Variants in DAPL1 observed in about 807,000 individuals in gnomAD.
DAPL1 encodes the protein death-associated protein-like 1.
A neutral mutation model predicts 12.9 loss-of-function variants in DAPL1; 17 were observed. The ratio of observed to expected loss-of-function variants is 1.32; its 90% CI spans 0.90 to 1.98. The LOEUF is 1.98. Among genes scored for constraint, DAPL1 ranks in the 30% most tolerant of loss-of-function variants. The probability of loss-of-function intolerance (pLI) is 0.00; values close to 1 mark genes in which losing one functional copy is unlikely to be tolerated. For synonymous variants in DAPL1, 51 were observed against 42.0 expected, an observed-to-expected ratio of 1.21 and a Z score of -0.82; for missense variants, 157 against 125.7, an observed-to-expected ratio of 1.25 and a Z score of -1.19.
intron 3 of DAPL1, among the ~76,000 whole-genome samples, chr2:158,812,223 C>T (rs2059234919): frequency 6.6e-6 from 1 of 152,178 alleles, no homozygotes; most frequent in Non-Finnish European, 1.5e-5. Context: ...AGAATTATTC[C>T]TACTTTTTTC....
rs1423645637 is a variant in DAPL1, at chr2:158,806,234, A to G, written c.147-821A>G. On this transcript the variant is annotated intron_variant, in intron 2 of 3. Transcript: ENST00000309950. Reference sequence around the variant, plus strand: ...TTCTACAAACCAACACAAACCATCCAGAAAAAAAAAAATATGCCAAGTGCA... The same window carrying G: ...TTCTACAAACCAACACAAACCATCCGGAAAAAAAAAAATATGCCAAGTGCA... 2.3e-5 allele frequency among the ~76,000 whole-genome samples: 3 copies of G among 129,046 alleles called. 1 individual carries two copies. Among genetic ancestry groups the G allele is most frequent in the Non-Finnish European group, 5.7e-5 (3 of 53,026 alleles). 84.7% of individuals were successfully genotyped at this position (129,046 alleles called of 152,430 possible). A position where few individuals can be genotyped will look rare whatever the true frequency, so the allele number is the denominator to read the frequency against.
intron 2 of DAPL1, among the ~76,000 whole-genome samples, chr2:158,805,158 A>G (rs1346264370): frequency 6.6e-6 from 1 of 152,274 alleles, no homozygotes; most frequent in Non-Finnish European, 1.5e-5. Context: ...GAGTTAAACC[A>G]TATCAGAAAG....
chr2:158,808,758 G>A (rs2059214892), intron 3 of DAPL1, among the ~76,000 whole-genome samples: 1 of 152,086 alleles, frequency 6.6e-6, no homozygotes. Flanking sequence ...ACTTCCTTAG[G>A]GCAAGGGAAT....
chr2:158,811,582 AC>A (rs961284750), intron 3 of DAPL1, among the ~76,000 whole-genome samples: 2 of 152,182 alleles, frequency 1.3e-5, no homozygotes, highest in Admixed American at 6.5e-5. Flanking sequence ...GGTCGCAGCT[AC>A]CCAAGATGAA....
At chr2:158,813,937 T>C (rs16843372) in intron 3 of DAPL1, among the ~76,000 whole-genome samples, 83,433 of 151,992 alleles carry the variant, frequency 0.55, 23,788 homozygotes, top group Middle Eastern at 0.61. Flanking sequence ...TTTCTTTGTT[T>C]CAGTCCCAAC....
chr2:158,814,791 G>T (rs960724921), intron 3 of DAPL1, among the ~76,000 whole-genome samples: 3 of 152,204 alleles, frequency 2.0e-5, no homozygotes, highest in Non-Finnish European at 4.4e-5. Flanking sequence ...AAGTTCAATA[G>T]TGATAAGTTA....
chr2:158,810,270 C>CG (rs2059223601), intron 3 of DAPL1, among the ~76,000 whole-genome samples: 1 of 152,118 alleles, frequency 6.6e-6, no homozygotes. Context: ...ATTCTCCTCA[C>CG]GGTATGTATT....
Position 158,796,942 on chromosome 2 carries a change from C to G in DAPL1, c.58+1512C>G, listed in dbSNP as rs1263331041. ...AATGGAGATGAAGGCAGACTTTTGC[C>G]TCCCCACTGAGCACAAGGGAACAAA... On this transcript the variant is annotated intron_variant, in intron 1 of 3. Coordinates refer to ENST00000309950, the MANE Select transcript of DAPL1 (RefSeq NM_001017920.3). Among the ~76,000 whole-genome samples the G allele has an allele frequency of 7.2e-5, 11 of 152,294 alleles. No individual in the cohort carries two copies. The East Asian group carries it at 1.5e-3, about 21-fold the overall frequency.
At chr2:158,808,768 T>A (rs2059214940) in intron 3 of DAPL1, among the ~76,000 whole-genome samples, 1 of 152,216 alleles carries the variant, frequency 6.6e-6, no homozygotes, top group Non-Finnish European at 1.5e-5. Flanking sequence ...GGCAAGGGAA[T>A]GCTCACAGTT....
intron 3 of DAPL1, among the ~76,000 whole-genome samples, chr2:158,813,236 G>C (rs556836891): frequency 6.6e-6 from 1 of 152,198 alleles, no homozygotes; most frequent in African/African-American, 2.4e-5. Flanking sequence ...TGGAGGAGGA[G>C]GGAATGGAGA....
intron 3 of DAPL1, among the ~76,000 whole-genome samples, chr2:158,813,694 T>C (rs1003132930): frequency 4.2e-4 from 64 of 151,852 alleles, no homozygotes; most frequent in African/African-American, 1.5e-3. Flanking sequence ...TAGCTGGGAC[T>C]ACAGTCGCTC....
intron 1 of DAPL1, among the ~76,000 whole-genome samples, chr2:158,795,751 T>C (rs979318190): frequency 6.6e-6 from 1 of 151,102 alleles, no homozygotes; most frequent in Non-Finnish European, 1.5e-5. Context: ...GCCCTGGCTG[T>C]AGATTAGCAG....
At chr2:158,806,875 G>A (rs1559043832) in intron 2 of DAPL1, among the ~76,000 whole-genome samples, 180 bp from the exon 3 acceptor site, 1 of 151,276 alleles carries the variant, frequency 6.6e-6, no homozygotes, top group Admixed American at 6.6e-5. Flanking sequence ...TAATAATTTG[G>A]CCTGCAAAGC....
intron 1 of DAPL1, among the ~76,000 whole-genome samples, chr2:158,796,866 A>G (rs1040768560): frequency 2.0e-5 from 3 of 152,202 alleles, no homozygotes; most frequent in South Asian, 2.1e-4. Flanking sequence ...TGGCATGACA[A>G]TTAATTATTA....
At chr2:158,806,902 A>G (rs2059205493) in intron 2 of DAPL1, among the ~76,000 whole-genome samples, 153 bp from the exon 3 acceptor site, 1 of 152,116 alleles carries the variant, frequency 6.6e-6, no homozygotes, top group Admixed American at 6.5e-5. Context: ...TGTGTAGCAC[A>G]TAGGTACACA....
chr2:158,795,695 G>C (rs1366656991), intron 1 of DAPL1, among the ~76,000 whole-genome samples: 1 of 152,224 alleles, frequency 6.6e-6, no homozygotes, highest in South Asian at 2.1e-4. Context: ...GGCATAGGTA[G>C]AGAGGTTGCA....
chr2:158,799,700 G>T (rs962924529), intron 1 of DAPL1, among the ~76,000 whole-genome samples: 2 of 152,076 alleles, frequency 1.3e-5, no homozygotes, highest in Non-Finnish European at 2.9e-5. Flanking sequence ...TCAGCTACCA[G>T]AACAAGTTTG....
At chr2:158,804,046 T>G (rs1426010911) in intron 1 of DAPL1, among the ~76,000 whole-genome samples, 3 of 152,222 alleles carry the variant, frequency 2.0e-5, no homozygotes, top group Non-Finnish European at 2.9e-5. Flanking sequence ...CCTCTGCTTT[T>G]TCAGTCTTGG....
chr2:158,815,254 C>T (rs1219175409), intron 3 of DAPL1, among the ~76,000 whole-genome samples: 1 of 152,212 alleles, frequency 6.6e-6, no homozygotes, highest in Non-Finnish European at 1.5e-5. Flanking sequence ...AATGTACACA[C>T]TTAGACCTAA....
Sources: gnomAD v4.1 joint callset for allele counts (sites outside exome capture counted in the v4.1 genomes callset) on GRCh38, gnomAD v4.1.1 for gene constraint, MANE v1.5 for transcripts, NCBI Gene and HGNC (gene_info 2026-07-23, HGNC 2026-07-21) for gene names.